CA4: variants seen among roughly 807,000 people sequenced by gnomAD.
The protein encoded by CA4 is carbonic anhydrase 4, also known as CA-IV.
A neutral mutation model predicts 34.5 loss-of-function variants in CA4; 24 were observed. The observed-to-expected ratio is 0.70, with a 90% CI of 0.50 to 0.98. The LOEUF is 0.98. Among genes scored for constraint, CA4 ranks in the 50% least tolerant of loss-of-function variants. The pLI is 0.00. For synonymous variants in CA4, 178 were observed against 170.6 expected (o/e 1.04, Z -0.34); for missense variants, 394 against 396.7 (o/e 0.99, Z 0.06).
chr17:60,157,023 G>C, intron 3 of CA4: 1 of 527,186 alleles, frequency 1.9e-6, no homozygotes, highest in Non-Finnish European at 3.4e-6. Flanking sequence ...TGTGGAGGAA[G>C]GACAGACAGT....
intron 1 of CA4, 34 bp from the exon 2 acceptor site, chr17:60,155,280 C>A (rs1360200551): frequency 6.2e-7 from 1 of 1,602,308 alleles, no homozygotes; most frequent in East Asian, 2.2e-5. Context: ...AAGACACACG[C>A]ACGCACACTT....
At chr17:60,175,660 C>A (rs554094986), downstream of CA4, among the ~76,000 whole-genome samples, 2 of 61,480 alleles carry the variant, frequency 3.3e-5, no homozygotes, top group African/African-American at 1.1e-4. Flanking sequence ...CAGAGTGAAA[C>A]TCCGTCTCAA....
intron 5 of CA4, among the ~76,000 whole-genome samples, chr17:60,167,075 T>C (rs1466152056): frequency 6.6e-6 from 1 of 152,100 alleles, no homozygotes; most frequent in East Asian, 1.9e-4. Flanking sequence ...CTGAAGAAAA[T>C]TGAGAGGTAA....
chr17:60,171,592 T>C (rs948239010), downstream of CA4, among the ~76,000 whole-genome samples: 8 of 152,204 alleles, frequency 5.3e-5, no homozygotes, highest in Admixed American at 5.2e-4. Flanking sequence ...TGGGAGCTCC[T>C]CAGACCCTAC....
In CA4 at chr17:60,150,067, C is replaced by T; in HGVS notation, c.33C>T (p.Ser11=). The T allele has an allele frequency of 1.2e-6, 2 of 1,600,446 alleles. No individual in the cohort carries two copies. The highest frequency in any genetic ancestry group is 1.7e-6 in the Non-Finnish European group (2 of 1,179,066). The change falls in exon 1 of 8, where the codon TCC becomes TCT. Residue 11 remains serine (S), a synonymous_variant. Transcript: ENST00000300900. MRMLLALLAL[S]AARPSASAES... The stretch of plus-strand genomic sequence containing the variant: ...TGCTGCTGGCGCTCCTGGCCCTCTC[C>T]GCGGCGCGGCCATCGGCCAGTGCAG...
downstream of CA4, among the ~76,000 whole-genome samples, chr17:60,173,869 T>C (rs1268590852): frequency 6.6e-6 from 1 of 152,234 alleles, no homozygotes; most frequent in Admixed American, 6.5e-5. Flanking sequence ...AACAAGCTGC[T>C]GGCTGATTCC....
downstream of CA4, among the ~76,000 whole-genome samples, chr17:60,162,988 C>A (rs757144759): frequency 6.6e-6 from 1 of 152,200 alleles, no homozygotes; most frequent in Non-Finnish European, 1.5e-5. Flanking sequence ...GCCTCTTTGG[C>A]CCCCTGTTTA....
intron 1 of CA4, among the ~76,000 whole-genome samples, chr17:60,154,598 C>T (rs1448161514): frequency 2.0e-5 from 3 of 152,240 alleles, no homozygotes; most frequent in Non-Finnish European, 4.4e-5. Flanking sequence ...CCTGCATGCA[C>T]TTTCCCCTCT....
the CA4 span, among the ~76,000 whole-genome samples, chr17:60,178,150 A>G: frequency 6.6e-6 from 1 of 152,232 alleles, no homozygotes; most frequent in Non-Finnish European, 1.5e-5. Context: ...TTGACTTCCT[A>G]AAACCACCAA....
rs907592817 is a variant in CA4 at position 60,159,519 on chromosome 17, T to G, written c.*95T>G. The G allele has an allele frequency of 4.0e-5, 54 of 1,335,452 alleles. No individual in the cohort carries two copies. The highest frequency in any genetic ancestry group is 5.1e-5 in the Non-Finnish European group (49 of 957,716). 82.7% of individuals were successfully genotyped at this position (1,335,452 alleles called of 1,614,324 possible). On this transcript the variant is annotated 3_prime_UTR_variant, in exon 8 of 8. Coordinates refer to ENST00000300900, the MANE Select transcript of CA4 (RefSeq NM_000717.5). ...TTCCCAGGTGGGACTTTAGGCATGA[T>G]TAAAATATGGACATATTTTTGGAGA... is the stretch of plus-strand genomic sequence containing the variant.
At chr17:60,170,776 C>A (rs575540382) in exon 6 of CA4, 3 of 152,232 alleles carry the variant, frequency 2.0e-5, no homozygotes, top group Non-Finnish European at 2.9e-5. Flanking sequence ...GGGCTTATTA[C>A]AAGCCTCTCA....
In CA4 at chr17:60,159,502, T is replaced by C. The variant is rs372423531; in HGVS notation, c.*78T>C. 8.9e-5 allele frequency: 132 copies of C among 1,484,694 alleles called. 1 individual carries two copies. In the South Asian group the frequency reaches 1.4e-3, roughly 16 times the overall value. 92.0% of individuals were successfully genotyped at this position (1,484,694 alleles called of 1,614,324 possible). On this transcript the variant is annotated 3_prime_UTR_variant, in exon 8 of 8. Transcript: ENST00000300900. ...GCTTCCGGTCCTTAGCCTTCCCAGG[T>C]GGGACTTTAGGCATGATTAAAATAT...
At chr17:60,168,895 C>T (rs1385644453) in intron 5 of CA4, among the ~76,000 whole-genome samples, 1 of 152,130 alleles carries the variant, frequency 6.6e-6, no homozygotes, top group South Asian at 2.1e-4. Context: ...GTCATTACAG[C>T]GAGTGACCTT....
rs768153190 is a variant in CA4 at position 60,159,440 on chromosome 17, C to T, written c.*16C>T. ...CCTGCGATGATGGCTCACTTCTGCA[C>T]GCAGCCTCTCTGTTGCCTCAGCTCT... On this transcript the variant is annotated 3_prime_UTR_variant, in exon 8 of 8. Coordinates refer to ENST00000300900, the MANE Select transcript of CA4 (RefSeq NM_000717.5). 3.7e-5 allele frequency: 59 copies of T among 1,608,622 alleles called. No individual in the cohort carries two copies. Among genetic ancestry groups the T allele is most frequent in the South Asian group, 1.1e-4 (10 of 90,690 alleles).
chr17:60,166,676 C>T (rs1391880979), intron 5 of CA4, among the ~76,000 whole-genome samples: 4 of 151,326 alleles, frequency 2.6e-5, no homozygotes, highest in Admixed American at 2.6e-4. Flanking sequence ...TGAGATTTGG[C>T]CAGGTGCGGT....
intron 5 of CA4, among the ~76,000 whole-genome samples, chr17:60,167,946 C>T (rs569574978): frequency 6.6e-5 from 10 of 152,142 alleles, no homozygotes; most frequent in Non-Finnish European, 1.5e-4. Context: ...GAGCTGCTTA[C>T]AACATGACAG....
chr17:60,175,711 C>G (rs151102385), downstream of CA4, among the ~76,000 whole-genome samples: 158 of 148,754 alleles, frequency 1.1e-3, no homozygotes, highest in African/African-American at 3.7e-3. Flanking sequence ...CAGACTGGCA[C>G]TTAAAAGAGT....
At chr17:60,155,487 A>G in intron 2 of CA4, 120 bp downstream of exon 2, 1 of 670,202 alleles carries the variant, frequency 1.5e-6, no homozygotes, top group Non-Finnish European at 2.7e-6. Context: ...GGCAGATATC[A>G]GTTCCCAGCA....
downstream of CA4, among the ~76,000 whole-genome samples, chr17:60,160,198 C>T (rs1271406192): frequency 6.6e-6 from 1 of 152,222 alleles, no homozygotes; most frequent in Non-Finnish European, 1.5e-5. Flanking sequence ...TGCATGACGG[C>T]AGCCCCAGCC....
Sources: gnomAD v4.1 joint callset for allele counts (sites outside exome capture counted in the v4.1 genomes callset) on GRCh38, gnomAD v4.1.1 for gene constraint, MANE v1.5 for transcripts, NCBI Gene and HGNC (gene_info 2026-07-23, HGNC 2026-07-21) for gene names.